The following RLF variants were observed in gnomAD, a reference collection of about 807,000 sequenced individuals.
RLF encodes RLF zinc finger.
In RLF, 7 loss-of-function variants were observed where a neutral mutation model predicts 162.9. The ratio of observed to expected loss-of-function variants is 0.04; its 90% CI spans 0.02 to 0.08. The LOEUF is 0.08. Among genes scored for constraint, RLF ranks in the 10% least tolerant of loss-of-function variants. RLF has a pLI of 1.00. For synonymous variants in RLF, 782 were observed against 791.5 expected (o/e 0.99, Z 0.20); for missense variants, 1,664 against 2,244.7 (o/e 0.74, Z 5.23).
chr1:40,183,426 A>G (rs1370776405), intron 1 of RLF, among the ~76,000 whole-genome samples: 2 of 152,204 alleles, frequency 1.3e-5, no homozygotes, highest in African/African-American at 4.8e-5. Flanking sequence ...GAAGTACAGG[A>G]TATCTGTCAG....
chr1:40,175,840 T>C (rs944239929), intron 1 of RLF, among the ~76,000 whole-genome samples: 1 of 151,480 alleles, frequency 6.6e-6, no homozygotes, highest in Admixed American at 6.6e-5. Context: ...TTAATATCCA[T>C]GAAACCATCA....
rs1642351254 is a variant in RLF, at chr1:40,178,053, AAAAC to A, written c.238-11000_238-10997del. 3.0e-5 allele frequency: 4 copies of A among 134,006 alleles called. No homozygotes were observed. In the South Asian group the frequency reaches 9.1e-4, roughly 30 times the overall value. 8.3% of individuals were successfully genotyped at this position (134,006 alleles called of 1,614,324 possible). On this transcript the variant is annotated intron_variant, in intron 1 of 7. Transcript: ENST00000372771. ...AAATCTTTGGCTCACAAAAAAATAA[AAAAC>A]ATATATATATATAGATAGGTATATA...
chr1:40,168,214 CAAT>C (rs1557735798), intron 1 of RLF, among the ~76,000 whole-genome samples: 3 of 151,884 alleles, frequency 2.0e-5, no homozygotes, highest in African/African-American at 7.3e-5. Context: ...GACCTTGTCT[CAAT>C]AAATAAATAA....
chr1:40,206,952 TA>T (rs1246627548), intron 5 of RLF, among the ~76,000 whole-genome samples: 1 of 152,210 alleles, frequency 6.6e-6, no homozygotes, highest in African/African-American at 2.4e-5. Context: ...CCTAGCCCCC[TA>T]CTCTGCCCTA....
chr1:40,183,290 A>G (rs1270184902), intron 1 of RLF, among the ~76,000 whole-genome samples: 2 of 152,188 alleles, frequency 1.3e-5, no homozygotes, highest in East Asian at 3.8e-4. Flanking sequence ...TTTATGTGCA[A>G]AATTTGAAAT....
chr1:40,234,515 T>C (rs1193974136), intron 7 of RLF, among the ~76,000 whole-genome samples: 1 of 152,236 alleles, frequency 6.6e-6, no homozygotes, highest in Non-Finnish European at 1.5e-5. Context: ...TGGAATTTAC[T>C]CCATTATTTT....
At chr1:40,168,704 A>G (rs965747393) in intron 1 of RLF, among the ~76,000 whole-genome samples, 4 of 152,048 alleles carry the variant, frequency 2.6e-5, no homozygotes, top group Non-Finnish European at 4.4e-5. Flanking sequence ...TATAAATAAT[A>G]TGTTTTGGCC....
intron 5 of RLF, among the ~76,000 whole-genome samples, chr1:40,219,654 G>A (rs1642967361): frequency 6.6e-6 from 1 of 152,198 alleles, no homozygotes; most frequent in Non-Finnish European, 1.5e-5. Context: ...AAACAGTCAA[G>A]TTAATAGGTA....
At chr1:40,219,365 A>G (rs925238830) in intron 5 of RLF, among the ~76,000 whole-genome samples, 6 of 152,210 alleles carry the variant, frequency 3.9e-5, no homozygotes, top group African/African-American at 9.6e-5. Context: ...GGATAAAAGT[A>G]TAAAATAAGA....
intron 4 of RLF, among the ~76,000 whole-genome samples, chr1:40,196,194 T>C (rs1642633886): frequency 6.6e-6 from 1 of 151,728 alleles, no homozygotes; most frequent in East Asian, 2.0e-4. Context: ...TGCCTCAGCC[T>C]CCTGAATAGC....
intron 6 of RLF, among the ~76,000 whole-genome samples, chr1:40,227,747 G>A (rs1336914243): frequency 6.6e-6 from 1 of 152,132 alleles, no homozygotes; most frequent in Non-Finnish European, 1.5e-5. Context: ...GTTTACACCT[G>A]TAATCCCAGC....
At chr1:40,188,113 T>G (rs1557743407) in intron 1 of RLF, among the ~76,000 whole-genome samples, 1 of 152,104 alleles carries the variant, frequency 6.6e-6, no homozygotes, top group African/African-American at 2.4e-5. Flanking sequence ...GATATACCAA[T>G]TAAGAATAGG....
At chr1:40,216,149 T>A (rs1223400807) in intron 5 of RLF, among the ~76,000 whole-genome samples, 3 of 152,078 alleles carry the variant, frequency 2.0e-5, no homozygotes, top group Non-Finnish European at 1.5e-5. Context: ...TGCCAACAAA[T>A]TACATTACTG....
intron 1 of RLF, among the ~76,000 whole-genome samples, chr1:40,174,301 A>G (rs957169256): frequency 9.2e-5 from 14 of 151,962 alleles, no homozygotes; most frequent in African/African-American, 3.4e-4. Context: ...AACCCTGGTG[A>G]CAGAGGTGGC....
At chr1:40,222,772 T>C in intron 6 of RLF, 62 bp downstream of exon 6, 1 of 1,430,560 alleles carries the variant, frequency 7.0e-7, no homozygotes, top group Admixed American at 1.9e-5. Context: ...TTAGGGTTTA[T>C]GTAAAATGTT....
At chr1:40,235,164 G>A (rs1474645172) in intron 7 of RLF, among the ~76,000 whole-genome samples, 1 of 146,718 alleles carries the variant, frequency 6.8e-6, no homozygotes, top group East Asian at 2.1e-4. Flanking sequence ...CTGGGTTCAA[G>A]CGATTCTGCT....
chr1:40,240,680 G>T lies in RLF; in HGVS notation c.*233G>T. On this transcript the variant is annotated 3_prime_UTR_variant, in exon 8 of 8. Transcript: ENST00000372771. The stretch of plus-strand genomic sequence containing the variant: ...GTTTGTTTATTAAAAAAATGGAACT[G>T]TACACTTGTTTGGTGCTAATTAATA... 2.1e-6 allele frequency: 1 copy of T among 465,866 alleles called. No homozygotes were observed. Among genetic ancestry groups the T allele is most frequent in the Non-Finnish European group, 3.8e-6 (1 of 260,020 alleles). 28.9% of individuals were successfully genotyped at this position (465,866 alleles called of 1,614,324 possible).
intron 6 of RLF, among the ~76,000 whole-genome samples, chr1:40,225,540 C>CT (rs1371772047): frequency 7.2e-6 from 1 of 139,446 alleles, no homozygotes; most frequent in East Asian, 2.1e-4. Context: ...GATCGTGCCA[C>CT]TGCACTGCAG....
chr1:40,220,185 G>A (rs560253767), intron 5 of RLF, among the ~76,000 whole-genome samples: 4 of 152,228 alleles, frequency 2.6e-5, no homozygotes, highest in Admixed American at 6.5e-5. Flanking sequence ...CCAAGATCAC[G>A]CCACTGCAGT....
Sources: allele counts gnomAD v4.1 joint callset (sites outside exome capture counted in the v4.1 genomes callset), GRCh38; gene constraint gnomAD v4.1.1; transcripts MANE v1.5; gene names NCBI Gene and HGNC (gene_info 2026-07-23, HGNC 2026-07-21).